GRID2: variants seen among roughly 807,000 people sequenced by gnomAD.
GRID2 encodes glutamate receptor ionotropic, delta-2.
In GRID2, 33 loss-of-function variants were observed where a neutral mutation model predicts 114.8. The observed-to-expected ratio is 0.29, with a 90% CI of 0.22 to 0.38. The LOEUF (loss-of-function observed/expected upper bound fraction) is 0.38, where lower values mean the gene tolerates loss of function less well. GRID2 is among the 10% of genes least tolerant of loss of function. GRID2 has a pLI of 1.00. For missense variants in GRID2, 1,184 were observed against 1,257.7 expected, an observed-to-expected ratio of 0.94 and a Z score of 0.89; for synonymous variants, 505 against 449.9, an observed-to-expected ratio of 1.12 and a Z score of -1.55.
At chr4:93,732,406 G>C (rs759615801) in intron 14 of GRID2, among the ~76,000 whole-genome samples, 8 of 152,146 alleles carry the variant, frequency 5.3e-5, no homozygotes, top group Non-Finnish European at 1.2e-4. Flanking sequence ...TCAATGTAAA[G>C]TATTACATAA....
chr4:93,197,574 T>C (rs983423212), intron 4 of GRID2, among the ~76,000 whole-genome samples: 1 of 152,156 alleles, frequency 6.6e-6, no homozygotes, highest in Non-Finnish European at 1.5e-5. Flanking sequence ...ACAGAATAAA[T>C]GTTGTCAAAC....
chr4:93,193,792 G>T (rs150045418), intron 4 of GRID2, among the ~76,000 whole-genome samples: 1 of 152,106 alleles, frequency 6.6e-6, no homozygotes, highest in Non-Finnish European at 1.5e-5. Flanking sequence ...TTTAAAACGG[G>T]TATATGCTTC....
intron 1 of GRID2, among the ~76,000 whole-genome samples, chr4:92,470,707 A>G (rs1330332201): frequency 6.6e-6 from 1 of 152,012 alleles, no homozygotes; most frequent in East Asian, 1.9e-4. Context: ...ATTCAGAATT[A>G]TATTTGTATT....
rs552951505 is a variant in GRID2 at position 92,937,593 on chromosome 4, A to G, written c.245-147402A>G. 4.1e-4 allele frequency among the ~76,000 whole-genome samples: 60 copies of G among 146,864 alleles called. 1 individual carries two copies. The highest frequency in any genetic ancestry group is 1.4e-3 in the African/African-American group (57 of 41,314). On this transcript the variant is annotated intron_variant, in intron 2 of 15. Transcript: ENST00000282020. The stretch of plus-strand genomic sequence containing the variant: ...TTTATATTTATGTCAGTATCAAATT[A>G]TCTGGATTACTGGTGCTTTGCAATA...
intron 11 of GRID2, among the ~76,000 whole-genome samples, chr4:93,472,904 T>C (rs1286796567): frequency 1.3e-5 from 2 of 151,972 alleles, no homozygotes; most frequent in African/African-American, 4.8e-5. Context: ...CCACCACCAC[T>C]ACCACAACAA....
At chr4:92,548,133 T>C (rs541639064) in intron 1 of GRID2, among the ~76,000 whole-genome samples, 4 of 152,114 alleles carry the variant, frequency 2.6e-5, no homozygotes, top group African/African-American at 9.6e-5. Context: ...CACTAAGAAG[T>C]ATATAGAAGT....
intron 10 of GRID2, among the ~76,000 whole-genome samples, chr4:93,449,056 TAC>T (rs918450779): frequency 2.0e-5 from 3 of 150,804 alleles, no homozygotes; most frequent in Admixed American, 6.7e-5. Flanking sequence ...CTTCAATCCT[TAC>T]TTTCTCCCAA....
intron 4 of GRID2, among the ~76,000 whole-genome samples, chr4:93,116,078 C>T (rs932769196): frequency 1.3e-5 from 2 of 152,116 alleles, no homozygotes; most frequent in Admixed American, 1.3e-4. Flanking sequence ...ATGTCCTTCA[C>T]CTACACCTGC....
chr4:93,170,172 C>T (rs11939788), intron 4 of GRID2, among the ~76,000 whole-genome samples: 11,738 of 152,132 alleles, frequency 0.077, 528 homozygotes, highest in East Asian at 0.22. Context: ...CAATCACCAC[C>T]TCCTGGGCTC....
intron 2 of GRID2, among the ~76,000 whole-genome samples, chr4:92,917,867 T>C (rs979568492): frequency 1.3e-5 from 2 of 152,096 alleles, no homozygotes; most frequent in Non-Finnish European, 2.9e-5. Context: ...TTTAAAGTAG[T>C]TTTTTTCCAG....
At chr4:93,080,696 C>T (rs911869745) in intron 2 of GRID2, among the ~76,000 whole-genome samples, 2 of 152,172 alleles carry the variant, frequency 1.3e-5, no homozygotes, top group African/African-American at 2.4e-5. Context: ...CTCTGATCTC[C>T]AGGGAAGTTC....
intron 2 of GRID2, among the ~76,000 whole-genome samples, chr4:92,696,403 A>C (rs1030490860): frequency 1.3e-5 from 2 of 152,154 alleles, no homozygotes; most frequent in Non-Finnish European, 2.9e-5. Context: ...TGTATACATA[A>C]ATTTTCATCA....
intron 2 of GRID2, among the ~76,000 whole-genome samples, chr4:92,953,285 A>G (rs1458206870): frequency 6.6e-6 from 1 of 152,178 alleles, no homozygotes; most frequent in East Asian, 1.9e-4. Flanking sequence ...GTGATCTTAT[A>G]AAAATGATGT....
At chr4:93,046,240 T>C (rs991474321) in intron 2 of GRID2, among the ~76,000 whole-genome samples, 4 of 152,112 alleles carry the variant, frequency 2.6e-5, no homozygotes, top group South Asian at 2.1e-4. Flanking sequence ...TATTACATTT[T>C]TTGCACATTT....
At chr4:93,609,110 C>T (rs1475409455) in intron 13 of GRID2, among the ~76,000 whole-genome samples, 1 of 107,830 alleles carries the variant, frequency 9.3e-6, no homozygotes, top group Non-Finnish European at 2.0e-5. Flanking sequence ...TAAATGTCTT[C>T]TTTTGAGAAG....
intron 3 of GRID2, among the ~76,000 whole-genome samples, chr4:93,089,995 A>G (rs1289617576): frequency 6.6e-6 from 1 of 152,116 alleles, no homozygotes; most frequent in Non-Finnish European, 1.5e-5. Context: ...CTTGTTCCCT[A>G]ATAAGAATTC....
intron 12 of GRID2, among the ~76,000 whole-genome samples, chr4:93,492,140 A>T (rs1180062079): frequency 6.6e-6 from 1 of 151,898 alleles, no homozygotes; most frequent in Non-Finnish European, 1.5e-5. Flanking sequence ...ATCATACTTT[A>T]AGCAATATGA....
chr4:93,429,702 G>T (rs1580060179), intron 10 of GRID2, among the ~76,000 whole-genome samples: 1 of 152,216 alleles, frequency 6.6e-6, no homozygotes, highest in East Asian at 1.9e-4. Context: ...GGAGGAATAA[G>T]TGGACTAAAT....
intron 1 of GRID2, among the ~76,000 whole-genome samples, chr4:92,565,427 G>A (rs2122523): frequency 0.21 from 32,510 of 151,816 alleles, 3,800 homozygotes; most frequent in South Asian, 0.29. Context: ...TTATATGACA[G>A]TATAAGAAGA....
Sources: gnomAD v4.1 joint callset for allele counts (sites outside exome capture counted in the v4.1 genomes callset) on GRCh38, gnomAD v4.1.1 for gene constraint, MANE v1.5 for transcripts, NCBI Gene and HGNC (gene_info 2026-07-23, HGNC 2026-07-21) for gene names.